The following AHI1 variants were observed in gnomAD, a reference collection of about 807,000 sequenced individuals.
The protein encoded by AHI1 is jouberin.
AHI1 carries 123 observed loss-of-function variants against 149.3 expected under a neutral mutation model. The observed-to-expected ratio is 0.82, with a 90% CI of 0.71 to 0.96. The LOEUF is 0.96. Among genes scored for constraint, AHI1 ranks in the 40% least tolerant of loss-of-function variants. The pLI is 0.00. For synonymous variants in AHI1, 475 were observed against 459.8 expected, an observed-to-expected ratio of 1.03 and a Z score of -0.42; for missense variants, 1,439 against 1,422.7, an observed-to-expected ratio of 1.01 and a Z score of -0.18.
chr6:135,439,290 G>A (rs73562093), intron 14 of AHI1, among the ~76,000 whole-genome samples: 1,785 of 152,264 alleles, frequency 0.012, 40 homozygotes, highest in African/African-American at 0.041. Flanking sequence ...ATTCTGAGTA[G>A]TGTTATGAAA....
intron 5 of AHI1, chr6:135,474,414 A>G (rs1236794073): frequency 2.0e-5 from 3 of 152,276 alleles, no homozygotes; most frequent in African/African-American, 7.2e-5. Context: ...AAAAGCATTC[A>G]GTTTTGTGCC....
At chr6:135,363,340 T>C (rs1241116396) in intron 23 of AHI1, among the ~76,000 whole-genome samples, 3 of 151,836 alleles carry the variant, frequency 2.0e-5, no homozygotes, top group Non-Finnish European at 2.9e-5. Context: ...ATACAGCACA[T>C]GTTTCAGAGA....
chr6:135,358,260 T>C, intron 23 of AHI1, 73 bp from the exon 24 acceptor site: 1 of 1,314,174 alleles, frequency 7.6e-7, no homozygotes. Context: ...TTCATGCCAT[T>C]TTATTGGAAA....
chr6:135,297,612 G>A, intron 27 of AHI1: 17 of 435,014 alleles, frequency 3.9e-5, no homozygotes, highest in South Asian at 2.9e-4. Flanking sequence ...ATCTCTCAAT[G>A]CATCTAGCTC....
intron 20 of AHI1, among the ~76,000 whole-genome samples, chr6:135,425,848 C>A (rs533547451): frequency 9.9e-5 from 15 of 151,624 alleles, no homozygotes; most frequent in African/African-American, 3.6e-4. Context: ...CTGTCAGTGA[C>A]AAAAAATAAA....
chr6:135,343,563 T>A (rs993681796), intron 24 of AHI1, among the ~76,000 whole-genome samples: 6 of 151,490 alleles, frequency 4.0e-5, no homozygotes, highest in Non-Finnish European at 7.4e-5. Flanking sequence ...GCAAAAAAAT[T>A]CAGACTCTAA....
At chr6:135,486,618 A>G (rs1254422571) in intron 5 of AHI1, among the ~76,000 whole-genome samples, 4 of 152,186 alleles carry the variant, frequency 2.6e-5, no homozygotes, top group African/African-American at 9.7e-5. Flanking sequence ...CTCAACACAC[A>G]TTCATAAATG....
chr6:135,294,718 G>GAAAAAAAAAAAAAAAAAAAAA (rs1782859427), intron 27 of AHI1, among the ~76,000 whole-genome samples: 1 of 104,108 alleles, frequency 9.6e-6, no homozygotes, highest in African/African-American at 3.8e-5. Context: ...AAAAAAAAAA[G>GAAAAAAAAAAAAAAAAAAAAA]AAAAAGAAAA....
chr6:135,314,504 G>C (rs1408478382), intron 26 of AHI1, among the ~76,000 whole-genome samples: 5 of 152,196 alleles, frequency 3.3e-5, no homozygotes, highest in Admixed American at 1.3e-4. Flanking sequence ...ATCTGCTGCT[G>C]AATTACAAAC....
At chr6:135,491,354 C>A (rs895505197) in intron 4 of AHI1, among the ~76,000 whole-genome samples, 6 of 152,286 alleles carry the variant, frequency 3.9e-5, no homozygotes, top group African/African-American at 1.4e-4. Flanking sequence ...TATGTTCTAG[C>A]TATAATACCC....
intron 5 of AHI1, among the ~76,000 whole-genome samples, chr6:135,477,131 C>T (rs911311467): frequency 2.0e-5 from 3 of 150,530 alleles, no homozygotes; most frequent in Middle Eastern, 3.4e-3. Flanking sequence ...AGCTCCACCT[C>T]CCGGGTTCAT....
intron 24 of AHI1, among the ~76,000 whole-genome samples, chr6:135,345,423 T>C (rs1364837164): frequency 2.0e-5 from 3 of 152,160 alleles, no homozygotes; most frequent in African/African-American, 7.2e-5. Context: ...ACAACCCAAA[T>C]GTCCATCAGT....
At chr6:135,374,633 A>G (rs965067914) in intron 23 of AHI1, among the ~76,000 whole-genome samples, 1 of 152,190 alleles carries the variant, frequency 6.6e-6, no homozygotes, top group Non-Finnish European at 1.5e-5. Flanking sequence ...TTTCTCTTAC[A>G]TATTCAAACA....
intron 5 of AHI1, among the ~76,000 whole-genome samples, chr6:135,474,798 T>C (rs1792328875): frequency 6.6e-6 from 1 of 152,226 alleles, no homozygotes; most frequent in Admixed American, 6.5e-5. Flanking sequence ...TATTATCCTT[T>C]TCATAAGATT....
chr6:135,364,014 C>T (rs551745196), intron 23 of AHI1, among the ~76,000 whole-genome samples: 2,034 of 125,504 alleles, frequency 0.016, 10 homozygotes, highest in African/African-American at 0.055. Flanking sequence ...CCAGTAGGGG[C>T]GGCCGGGCAG....
intron 20 of AHI1, among the ~76,000 whole-genome samples, chr6:135,420,829 G>A (rs1783043403): frequency 1.3e-5 from 2 of 152,050 alleles, no homozygotes; most frequent in East Asian, 1.9e-4. Flanking sequence ...CTTTTACTTC[G>A]CATTCACAAC....
At chr6:135,486,989 C>G (rs1024418634) in intron 5 of AHI1, among the ~76,000 whole-genome samples, 2 of 152,110 alleles carry the variant, frequency 1.3e-5, no homozygotes, top group African/African-American at 4.8e-5. Flanking sequence ...TAGTCTTGAA[C>G]TCCTGCACTC....
At chr6:135,394,391 C>T (rs972372011) in intron 23 of AHI1, among the ~76,000 whole-genome samples, 1 of 152,006 alleles carries the variant, frequency 6.6e-6, no homozygotes, top group African/African-American at 2.4e-5. Context: ...CAGGTTACAT[C>T]CTATTTCTGC....
At chr6:135,401,863 C>T (rs1431866624) in intron 22 of AHI1, among the ~76,000 whole-genome samples, 2 of 151,850 alleles carry the variant, frequency 1.3e-5, no homozygotes, top group Non-Finnish European at 2.9e-5. Context: ...CTTTTTGTTT[C>T]AAAAGACATC....
Sources: allele counts gnomAD v4.1 joint callset (sites outside exome capture counted in the v4.1 genomes callset), GRCh38; gene constraint gnomAD v4.1.1; transcripts MANE v1.5; gene names NCBI Gene and HGNC (gene_info 2026-07-23, HGNC 2026-07-21).